SIPA1L3: variants seen among roughly 807,000 people sequenced by gnomAD.
SIPA1L3 encodes signal-induced proliferation-associated 1-like protein 3.
A neutral mutation model predicts 150.1 loss-of-function variants in SIPA1L3; 59 were observed. That is an observed-to-expected ratio of 0.39 (90% CI 0.32 to 0.49). The LOEUF (loss-of-function observed/expected upper bound fraction) is 0.49, where lower values mean the gene tolerates loss of function less well. Ranked by LOEUF, SIPA1L3 falls within the 20% of genes least tolerant of loss-of-function variation. SIPA1L3 has a pLI of 0.86. For synonymous variants in SIPA1L3, 1,070 were observed against 1,077.6 expected, an observed-to-expected ratio of 0.99 and a Z score of 0.14; for missense variants, 2,211 against 2,489.5, an observed-to-expected ratio of 0.89 and a Z score of 2.38.
At chr19:38,101,397 G>T (rs1246966025) in intron 6 of SIPA1L3, among the ~76,000 whole-genome samples, 171 bp downstream of exon 6, 1 of 152,070 alleles carries the variant, frequency 6.6e-6, no homozygotes, top group African/African-American at 2.4e-5. Context: ...TCGTGTTGTT[G>T]TACTTGTTGT....
chr19:38,043,934 G>A (rs1473606019), intron 2 of SIPA1L3, among the ~76,000 whole-genome samples: 3 of 152,226 alleles, frequency 2.0e-5, no homozygotes, highest in South Asian at 4.1e-4. Flanking sequence ...CTCTGGCTGT[G>A]TGTGGCAGCA....
chr19:38,021,687 G>A (rs534627444), intron 1 of SIPA1L3, among the ~76,000 whole-genome samples: 2 of 152,230 alleles, frequency 1.3e-5, no homozygotes, highest in African/African-American at 2.4e-5. Flanking sequence ...GGCTACAGGT[G>A]CACATCTCCA....
chr19:37,907,598 C>T (rs1401366809), intron 1 of SIPA1L3: 1 of 152,242 alleles, frequency 6.6e-6, no homozygotes, highest in Non-Finnish European at 1.5e-5. Context: ...GGTGGATTCG[C>T]GTCCCGGCTG....
At chr19:38,137,176 C>A (rs9941456) in intron 10 of SIPA1L3, among the ~76,000 whole-genome samples, 27,901 of 151,956 alleles carry the variant, frequency 0.18, 2,956 homozygotes, top group African/African-American at 0.29. Flanking sequence ...TGCATGCTGC[C>A]TTCATTTTTG....
At chr19:37,971,473 T>G (rs1643463) in intron 1 of SIPA1L3, among the ~76,000 whole-genome samples, 44,412 of 151,898 alleles carry the variant, frequency 0.29, 8,038 homozygotes, top group East Asian at 0.68. Flanking sequence ...TGTCTCTATG[T>G]ATTTGCCTGT....
At chr19:37,945,757 T>C (rs977923460) in intron 1 of SIPA1L3, among the ~76,000 whole-genome samples, 4 of 152,232 alleles carry the variant, frequency 2.6e-5, no homozygotes, top group Non-Finnish European at 5.9e-5. Flanking sequence ...TCTTTCATTA[T>C]TGGAACTCTG....
chr19:37,966,586 T>A (rs1463528223), intron 1 of SIPA1L3, among the ~76,000 whole-genome samples: 1 of 152,170 alleles, frequency 6.6e-6, no homozygotes, highest in Non-Finnish European at 1.5e-5. Context: ...TAGTCTGTTA[T>A]GGGAGAGACT....
intron 12 of SIPA1L3, among the ~76,000 whole-genome samples, chr19:38,146,604 T>G (rs970520719): frequency 1.3e-5 from 2 of 152,210 alleles, no homozygotes; most frequent in South Asian, 4.1e-4. Flanking sequence ...GCTTACCGTA[T>G]GGTAAGTCCA....
intron 1 of SIPA1L3, among the ~76,000 whole-genome samples, chr19:37,995,045 G>A (rs766795470): frequency 7.9e-5 from 12 of 152,158 alleles, no homozygotes; most frequent in Non-Finnish European, 1.6e-4. Flanking sequence ...CCTCAGACAC[G>A]GCATCCTGAG....
chr19:38,131,198 C>T (rs1191795109), intron 10 of SIPA1L3, among the ~76,000 whole-genome samples: 1 of 152,158 alleles, frequency 6.6e-6, no homozygotes, highest in Non-Finnish European at 1.5e-5. Flanking sequence ...TTGTGTTCTA[C>T]AGGGAAAGAC....
intron 12 of SIPA1L3, among the ~76,000 whole-genome samples, chr19:38,148,053 A>G (rs1971738290): frequency 1.3e-5 from 2 of 151,426 alleles, no homozygotes; most frequent in Admixed American, 6.6e-5. Context: ...AAAATAATTA[A>G]TTAATTAAGA....
chr19:37,929,154 G>A (rs1224872976), intron 1 of SIPA1L3, among the ~76,000 whole-genome samples: 1 of 152,220 alleles, frequency 6.6e-6, no homozygotes, highest in Non-Finnish European at 1.5e-5. Flanking sequence ...AGAGAAACCA[G>A]CCAAGGGCCA....
intron 14 of SIPA1L3, among the ~76,000 whole-genome samples, chr19:38,163,288 G>A (rs559119252): frequency 6.6e-6 from 1 of 152,192 alleles, no homozygotes; most frequent in African/African-American, 2.4e-5. Context: ...TCAGGAGTTC[G>A]AGACCAGCCT....
Position 38,164,861 on chromosome 19 carries a change from C to G in SIPA1L3, c.4163C>G (p.Pro1388Arg). Residue 1388 changes from proline (P) to arginine (R), a missense_variant, in exon 15 of 22, where the codon CCC (proline) becomes CGC (arginine). By Grantham distance (103) the Pro-to-Arg change is moderately radical. Around this residue, in one of 5 missense-constraint regions of SIPA1L3, gnomAD observed 806 missense variants for 870.1 expected, o/e 0.93. Coordinates refer to ENST00000222345, the MANE Select transcript of SIPA1L3 (RefSeq NM_015073.3). The surrounding 1 kb of genome is among the most constrained non-coding windows in gnomAD (Gnocchi z 4.1). ...PKLYSSGSST[P>R]TGLAGGSRDP... ...CTGTACTCCTCCGGCTCCAGCACCC[C>G]CACGGGACTGGCGGGGGGCAGCCGA... is the stretch of plus-strand genomic sequence containing the variant. 5 of 1,581,792 alleles carry G rather than the reference C, an allele frequency of 3.2e-6. No homozygotes were observed. The highest frequency in any genetic ancestry group is 4.3e-6 in the Non-Finnish European group (5 of 1,160,706).
intron 1 of SIPA1L3, among the ~76,000 whole-genome samples, chr19:37,945,352 A>G (rs1015538565): frequency 4.0e-4 from 61 of 151,996 alleles, no homozygotes; most frequent in African/African-American, 1.4e-3. Flanking sequence ...CTCCTGCTTC[A>G]GCCTCCCGGT....
At chr19:37,914,024 CAAAAAAAAA>C (rs58768492) in intron 1 of SIPA1L3, among the ~76,000 whole-genome samples, 1 of 110,810 alleles carries the variant, frequency 9.0e-6, no homozygotes, top group African/African-American at 3.9e-5. Context: ...GAGGCCGTCT[CAAAAAAAAA>C]AAAAAAAAAA....
intron 1 of SIPA1L3, among the ~76,000 whole-genome samples, chr19:37,982,112 G>T (rs1481739627): frequency 5.9e-5 from 9 of 152,198 alleles, no homozygotes; most frequent in Admixed American, 5.9e-4. Context: ...AGACTGTGAG[G>T]GACACAGTTG....
In SIPA1L3 at chr19:38,137,145, C is replaced by T. The variant is rs551850189; in HGVS notation, c.3144-4039C>T. Among the ~76,000 whole-genome samples, 32 of 152,300 alleles carry T rather than the reference C, an allele frequency of 2.1e-4. No homozygotes were observed. The South Asian group carries it at 6.6e-3, about 32-fold the overall frequency. ...GGATCAGCCATCTGGCCCCGCAGCCCTGGTCTGTACCTCTCCATGCTGCAT... is the reference window on the plus strand; with the variant it reads ...GGATCAGCCATCTGGCCCCGCAGCCTTGGTCTGTACCTCTCCATGCTGCAT... On this transcript the variant is annotated intron_variant, in intron 10 of 21. Coordinates refer to ENST00000222345, the MANE Select transcript of SIPA1L3 (RefSeq NM_015073.3).
chr19:38,198,830 C>A (rs1973024905), intron 19 of SIPA1L3, among the ~76,000 whole-genome samples: 2 of 152,310 alleles, frequency 1.3e-5, no homozygotes, highest in South Asian at 4.1e-4. Flanking sequence ...TGGTTCACAC[C>A]TGTAATCCCA....
Sources: gnomAD v4.1 joint callset for allele counts (sites outside exome capture counted in the v4.1 genomes callset) on GRCh38, gnomAD v4.1.1 for gene constraint, gnomAD v4.1.1 regional missense constraint, Gnocchi (gnomAD v3.1) non-coding constraint, MANE v1.5 for transcripts, NCBI Gene and HGNC (gene_info 2026-07-23, HGNC 2026-07-21) for gene names.